Variants in AKAP9 observed in about 807,000 individuals in gnomAD.
AKAP9 encodes A-kinase anchoring protein 9.
Under a neutral mutation model 488.5 loss-of-function variants are expected in AKAP9, and 311 were observed. The ratio of observed to expected loss-of-function variants is 0.64; its 90% CI spans 0.58 to 0.70. AKAP9 has a LOEUF of 0.70. AKAP9 is among the 30% of genes least tolerant of loss of function. The pLI is 0.00. For synonymous variants in AKAP9, 1,462 were observed against 1,483.5 expected (o/e 0.99, Z 0.33); for missense variants, 4,215 against 4,374.5 (o/e 0.96, Z 1.03).
intron 44 of AKAP9, among the ~76,000 whole-genome samples, chr7:92,100,465 G>C (rs566771435): frequency 6.6e-6 from 1 of 152,094 alleles, no homozygotes. Context: ...ACACATTTAC[G>C]TGCCTTTTAT....
chr7:92,000,172 G>C (rs1417988973), intron 7 of AKAP9, among the ~76,000 whole-genome samples: 1 of 152,256 alleles, frequency 6.6e-6, no homozygotes, highest in African/African-American at 2.4e-5. Flanking sequence ...AACTGGGGGA[G>C]AGTATCTGCT....
intron 6 of AKAP9, among the ~76,000 whole-genome samples, chr7:91,995,126 A>C (rs1315877966): frequency 6.6e-6 from 1 of 152,246 alleles, no homozygotes; most frequent in African/African-American, 2.4e-5. Context: ...AACAAAACTA[A>C]ATATATTCCA....
chr7:92,033,285 C>CTGTG (rs1401509300), intron 16 of AKAP9, among the ~76,000 whole-genome samples: 1 of 151,966 alleles, frequency 6.6e-6, no homozygotes, highest in Non-Finnish European at 1.5e-5. Context: ...AGCCAAGATA[C>CTGTG]TGTGGTCCAA....
intron 1 of AKAP9, among the ~76,000 whole-genome samples, chr7:91,969,341 T>C (rs958833046): frequency 6.6e-6 from 1 of 152,246 alleles, no homozygotes; most frequent in African/African-American, 2.4e-5. Context: ...ATATATGGTC[T>C]ATTCTGGAGA....
At chr7:92,041,004 A>AAT in intron 18 of AKAP9, 106 bp downstream of exon 18, 1 of 759,392 alleles carries the variant, frequency 1.3e-6, no homozygotes, top group Non-Finnish European at 2.1e-6. Context: ...TGTAGCCATA[A>AAT]TTTTTTTTTT....
chr7:92,061,452 T>C (rs1255779471), intron 23 of AKAP9, 30 bp downstream of exon 23: 7 of 1,610,894 alleles, frequency 4.3e-6, no homozygotes, highest in Admixed American at 3.3e-5. Context: ...CAACTAAGGG[T>C]AGAGAAATTT....
chr7:91,983,038 C>CT (rs1286029512), intron 3 of AKAP9, among the ~76,000 whole-genome samples: 2,168 of 150,574 alleles, frequency 0.014, 42 homozygotes, highest in African/African-American at 0.05. Flanking sequence ...GGGTTGTTTG[C>CT]TTTTTTTTTC....
At chr7:92,060,922 A>G (rs1159019075) in intron 22 of AKAP9, among the ~76,000 whole-genome samples, 1 of 152,192 alleles carries the variant, frequency 6.6e-6, no homozygotes, top group Non-Finnish European at 1.5e-5. Flanking sequence ...TTTGGCAAAT[A>G]CAATAAACGC....
chr7:91,987,514 T>C (rs980819268), intron 3 of AKAP9, among the ~76,000 whole-genome samples: 1 of 152,234 alleles, frequency 6.6e-6, no homozygotes, highest in Non-Finnish European at 1.5e-5. Context: ...TTGTGTGTTA[T>C]GTATGGATTC....
intron 28 of AKAP9, among the ~76,000 whole-genome samples, chr7:92,073,717 A>G (rs1308363006): frequency 6.6e-6 from 1 of 152,182 alleles, no homozygotes; most frequent in Non-Finnish European, 1.5e-5. Flanking sequence ...AATGTCCCAT[A>G]GTGTCATTTG....
In AKAP9 at chr7:92,071,015, G is replaced by T. The variant is rs372912389; in HGVS notation, c.6612+6G>T. ...TAGACAGAAAGGAAAAAGAGGTAAG[G>T]AGTTTATTTTTAAATGACACAGCGT... On this transcript the variant is annotated splice_donor_region_variant and intron_variant, in intron 28 of 49. Transcript: ENST00000356239. 5 of 1,595,072 alleles carry T rather than the reference G, an allele frequency of 3.1e-6. No homozygotes were observed. The highest frequency in any genetic ancestry group is 1.7e-5 in the Admixed American group (1 of 59,964).
intron 1 of AKAP9, 138 bp from the exon 2 acceptor site, chr7:91,973,573 A>T: frequency 1.1e-6 from 1 of 927,044 alleles, no homozygotes; most frequent in Non-Finnish European, 1.6e-6. Context: ...TAAAGACTGT[A>T]ATAATTGTTC....
intron 22 of AKAP9, among the ~76,000 whole-genome samples, chr7:92,053,465 A>G (rs1808312794): frequency 1.3e-5 from 2 of 152,178 alleles, no homozygotes; most frequent in Admixed American, 1.3e-4. Context: ...AGGCTACTAG[A>G]GAGAAACTTC....
In AKAP9 at chr7:92,042,088, A is replaced by G. The variant is rs757996597; in HGVS notation, c.4960A>G (p.Arg1654Gly). 2 of 1,613,876 alleles carry G rather than the reference A, an allele frequency of 1.2e-6. No individual in the cohort carries two copies. Among genetic ancestry groups the G allele is most frequent in the South Asian group, 1.1e-5 (1 of 91,068 alleles). Residue 1654 changes from arginine (R) to glycine (G), a missense_variant, in exon 19 of 50, where the codon AGG (arginine) becomes GGG (glycine). Around this residue, in one of 5 missense-constraint regions of AKAP9, gnomAD observed 2,361 missense variants for 2,430.0 expected, o/e 0.97. Coordinates refer to ENST00000356239, the MANE Select transcript of AKAP9 (RefSeq NM_005751.5). ...TGAAAACCTGGTTTCAGAGAGAGAGAGGGTGCTTTTAGAGGAGCTGGAAGC... is the reference window on the plus strand; with the variant it reads ...TGAAAACCTGGTTTCAGAGAGAGAGGGGGTGCTTTTAGAGGAGCTGGAAGC... ...DNENLVSERE[R>G]VLLEELEALK...
At chr7:92,051,618 T>A (rs763720723) in intron 21 of AKAP9, among the ~76,000 whole-genome samples, 7 of 152,212 alleles carry the variant, frequency 4.6e-5, no homozygotes, top group African/African-American at 1.7e-4. Context: ...GTCTTGCGTC[T>A]GAAGCTGTAT....
chr7:92,097,862 G>T, intron 42 of AKAP9, 68 bp downstream of exon 42: 6 of 1,476,672 alleles, frequency 4.1e-6, no homozygotes, highest in Non-Finnish European at 4.7e-6. Flanking sequence ...ATGCCTCTGG[G>T]ACAGCTAGCC....
chr7:92,031,227 T>C (rs960519380), intron 15 of AKAP9, among the ~76,000 whole-genome samples: 5 of 152,216 alleles, frequency 3.3e-5, no homozygotes, highest in Non-Finnish European at 7.3e-5. Flanking sequence ...TTATTAGTTA[T>C]ATTTAAGTAT....
chr7:92,093,171 GAC>G lies in AKAP9; in HGVS notation c.9435_9436del (p.Asp3145GlufsTer12). 6.2e-7 allele frequency: 1 copy of G among 1,614,176 alleles called. No individual in the cohort carries two copies. Among genetic ancestry groups the G allele is most frequent in the Non-Finnish European group, 8.5e-7 (1 of 1,180,036 alleles). On this transcript the variant is annotated frameshift_variant, in exon 39 of 50. Coordinates refer to ENST00000356239, the MANE Select transcript of AKAP9 (RefSeq NM_005751.5). LOFTEE classifies it high-confidence loss of function. ...EMQVELSSMK[D>X]RATELQEQLS... The stretch of plus-strand genomic sequence containing the variant: ...GCAAGTGGAGCTCAGCAGTATGAAA[GAC>G]AGAGCAACGGAACTGCAGGAGCAGC...
chr7:91,980,405 T>C, intron 3 of AKAP9, 72 bp downstream of exon 3: 1 of 737,494 alleles, frequency 1.4e-6, no homozygotes, highest in South Asian at 2.7e-5. Context: ...CATTGATTGT[T>C]GCTACTTGAT....
Sources: gnomAD v4.1 joint callset for allele counts (sites outside exome capture counted in the v4.1 genomes callset) on GRCh38, gnomAD v4.1.1 for gene constraint, gnomAD v4.1.1 regional missense constraint, MANE v1.5 for transcripts, NCBI Gene and HGNC (gene_info 2026-07-23, HGNC 2026-07-21) for gene names.